Variants in TMEM200A observed in about 807,000 individuals in gnomAD.
TMEM200A encodes the protein two transmembrane C.
A neutral mutation model predicts 24.3 loss-of-function variants in TMEM200A; 12 were observed. The ratio of observed to expected loss-of-function variants is 0.49; its 90% CI spans 0.32 to 0.80. The LOEUF (loss-of-function observed/expected upper bound fraction) is 0.80. Among genes scored for constraint, TMEM200A ranks in the 30% least tolerant of loss-of-function variants. TMEM200A has a pLI of 0.04. For missense variants in TMEM200A, 545 were observed against 614.4 expected, an observed-to-expected ratio of 0.89 and a Z score of 1.19; for synonymous variants, 224 against 224.4, an observed-to-expected ratio of 1.00 and a Z score of 0.02.
intron 2 of TMEM200A, among the ~76,000 whole-genome samples, chr6:130,421,902 G>T (rs919580635): frequency 6.6e-6 from 1 of 151,704 alleles, no homozygotes; most frequent in Non-Finnish European, 1.5e-5. Flanking sequence ...TTATTGTGTG[G>T]GTGTGTGTAT....
At chr6:130,372,555 A>T (rs1209505019) in intron 1 of TMEM200A, among the ~76,000 whole-genome samples, 1 of 152,234 alleles carries the variant, frequency 6.6e-6, no homozygotes, top group African/African-American at 2.4e-5. Flanking sequence ...TGAGAAGTAG[A>T]TACATATAGA....
chr6:130,426,469 C>A (rs535460800), intron 2 of TMEM200A, among the ~76,000 whole-genome samples: 11 of 150,866 alleles, frequency 7.3e-5, no homozygotes, highest in East Asian at 6.0e-4. Context: ...AGCCCCCCCC[C>A]CCTCAGTTTC....
At chr6:130,412,642 G>C (rs1779359252) in intron 2 of TMEM200A, among the ~76,000 whole-genome samples, 1 of 152,136 alleles carries the variant, frequency 6.6e-6, no homozygotes, top group African/African-American at 2.4e-5. Flanking sequence ...TCTCATGCTA[G>C]CCAAGCCCTA....
chr6:130,407,703 G>T (rs985458278), intron 2 of TMEM200A, among the ~76,000 whole-genome samples: 7 of 152,160 alleles, frequency 4.6e-5, no homozygotes, highest in South Asian at 2.1e-4. Flanking sequence ...CTAATGTGAA[G>T]GGGAAAAAAC....
At chr6:130,434,656 A>G (rs1480286460) in intron 2 of TMEM200A, among the ~76,000 whole-genome samples, 1 of 152,170 alleles carries the variant, frequency 6.6e-6, no homozygotes, top group African/African-American at 2.4e-5. Context: ...GAGAACAAAA[A>G]TAGGAGAGGT....
Position 130,366,101 on chromosome 6 carries a change from G to C in TMEM200A, c.-504G>C. On this transcript the variant is annotated 5_prime_UTR_variant, in exon 1 of 3. Coordinates refer to ENST00000296978, the MANE Select transcript of TMEM200A (RefSeq NM_001258277.2). This position sits in a 1 kb window ranked among gnomAD's most constrained non-coding sequence, Gnocchi z 4.4. ...GACGCGGTGGCGGCGCCGCCTGAGC[G>C]GCGACTCCCTCTCCCCTGCCCGGCT... 1 of 985,682 alleles carries C rather than the reference G, an allele frequency of 1.0e-6. No homozygotes were observed. The highest frequency in any genetic ancestry group is 1.2e-6 in the Non-Finnish European group (1 of 830,162). The allele number at this position is 985,682 out of a possible 1,614,324, so 61.1% of individuals were successfully genotyped here.
At chr6:130,381,939 A>T in intron 1 of TMEM200A, 2 of 985,242 alleles carry the variant, frequency 2.0e-6, no homozygotes, top group Non-Finnish European at 1.2e-6. Flanking sequence ...TCTTCCGTTC[A>T]CTCCAGAACA....
intron 1 of TMEM200A, among the ~76,000 whole-genome samples, chr6:130,370,527 T>A (rs546896244): frequency 7.9e-5 from 12 of 152,284 alleles, no homozygotes; most frequent in Admixed American, 2.6e-4. Context: ...TTGGGAATAA[T>A]TCCTTCCTTT....
At chr6:130,384,581 C>A (rs556516654) in intron 1 of TMEM200A, among the ~76,000 whole-genome samples, 1 of 151,948 alleles carries the variant, frequency 6.6e-6, no homozygotes, top group African/African-American at 2.4e-5. Flanking sequence ...CAAAGTGCTG[C>A]AATTATAGGT....
At chr6:130,400,943 T>A (rs778372185) in intron 2 of TMEM200A, among the ~76,000 whole-genome samples, 11 of 152,050 alleles carry the variant, frequency 7.2e-5, no homozygotes, top group African/African-American at 1.2e-4. Flanking sequence ...CAAAATTTAG[T>A]CATTAAGTGA....
At chr6:130,404,089 G>A (rs1305049813) in intron 2 of TMEM200A, among the ~76,000 whole-genome samples, 1 of 152,036 alleles carries the variant, frequency 6.6e-6, no homozygotes, top group Non-Finnish European at 1.5e-5. Context: ...GGGCATTTAG[G>A]TTGATTCTAT....
intron 2 of TMEM200A, among the ~76,000 whole-genome samples, chr6:130,422,142 T>C (rs927525106): frequency 1.3e-5 from 2 of 152,188 alleles, no homozygotes; most frequent in African/African-American, 4.8e-5. Context: ...TACTTTTTAA[T>C]AATGGCTGTA....
chr6:130,385,300 T>C (rs1367475322), intron 2 of TMEM200A, 64 bp downstream of exon 2: 3 of 151,906 alleles, frequency 2.0e-5, no homozygotes, highest in South Asian at 4.1e-4. Context: ...GGTGACTTTT[T>C]ATGATGATTT....
At chr6:130,426,471 CT>C (rs1562569217) in intron 2 of TMEM200A, among the ~76,000 whole-genome samples, 1 of 149,310 alleles carries the variant, frequency 6.7e-6, no homozygotes, top group Non-Finnish European at 1.5e-5. Flanking sequence ...CCCCCCCCCC[CT>C]CAGTTTCCCT....
chr6:130,401,324 T>A (rs1779076980), intron 2 of TMEM200A, among the ~76,000 whole-genome samples: 1 of 151,892 alleles, frequency 6.6e-6, no homozygotes, highest in Non-Finnish European at 1.5e-5. Flanking sequence ...ATTAGACTAA[T>A]CCCTATTACA....
At chr6:130,404,612 TCTGTAGGTTGC>T (rs1181626230) in intron 2 of TMEM200A, among the ~76,000 whole-genome samples, 4 of 152,220 alleles carry the variant, frequency 2.6e-5, no homozygotes, top group Admixed American at 1.3e-4. Flanking sequence ...TGTCTTCCAT[TCTGTAGGTTGC>T]CTGTTCACTC....
intron 1 of TMEM200A, among the ~76,000 whole-genome samples, chr6:130,384,757 A>G (rs1778675465): frequency 6.6e-6 from 1 of 152,220 alleles, no homozygotes; most frequent in East Asian, 1.9e-4. Flanking sequence ...ATCAAGCTTA[A>G]CCTTTGAAGT....
chr6:130,390,895 G>A (rs1315832084), intron 2 of TMEM200A, among the ~76,000 whole-genome samples: 1 of 152,186 alleles, frequency 6.6e-6, no homozygotes, highest in South Asian at 2.1e-4. Flanking sequence ...ACTATTGACA[G>A]TTTGGACTGA....
At chr6:130,425,625 T>C (rs994201209) in intron 2 of TMEM200A, among the ~76,000 whole-genome samples, 1 of 152,190 alleles carries the variant, frequency 6.6e-6, no homozygotes, top group African/African-American at 2.4e-5. Flanking sequence ...TCGGAAGTAA[T>C]ATAGTGGCTG....
Sources: allele counts gnomAD v4.1 joint callset (sites outside exome capture counted in the v4.1 genomes callset), GRCh38; gene constraint gnomAD v4.1.1; non-coding constraint Gnocchi (gnomAD v3.1); transcripts MANE v1.5; gene names NCBI Gene and HGNC (gene_info 2026-07-23, HGNC 2026-07-21).